PNPT1: variants seen among roughly 807,000 people sequenced by gnomAD.
PNPT1 encodes polyribonucleotide nucleotidyltransferase 1, mitochondrial.
A neutral mutation model predicts 119.5 loss-of-function variants in PNPT1; 53 were observed. The observed-to-expected ratio is 0.44, with a 90% CI of 0.36 to 0.56. The LOEUF (loss-of-function observed/expected upper bound fraction) is 0.56, where lower values mean the gene tolerates loss of function less well. Among genes scored for constraint, PNPT1 ranks in the 20% least tolerant of loss-of-function variants. The probability of loss-of-function intolerance (pLI) is 0.00; values close to 1 mark genes in which losing one functional copy is unlikely to be tolerated. For missense variants in PNPT1, 948 were observed against 938.5 expected, an observed-to-expected ratio of 1.01 and a Z score of -0.13; for synonymous variants, 357 against 322.1, an observed-to-expected ratio of 1.11 and a Z score of -1.16.
chr2:55,650,745 G>A (rs376887265), intron 18 of PNPT1, among the ~76,000 whole-genome samples: 9 of 150,226 alleles, frequency 6.0e-5, no homozygotes, highest in Middle Eastern at 3.6e-3. Context: ...GAGACCCTCC[G>A]CCCGGCAACC....
At chr2:55,649,956 G>C (rs1696118067) in intron 18 of PNPT1, among the ~76,000 whole-genome samples, 1 of 152,120 alleles carries the variant, frequency 6.6e-6, no homozygotes, top group Admixed American at 6.5e-5. Flanking sequence ...AAAAATGCTG[G>C]CTTTAAGTCC....
intron 11 of PNPT1, among the ~76,000 whole-genome samples, chr2:55,669,176 TA>T (rs935670196): frequency 2.8e-5 from 4 of 144,366 alleles, no homozygotes; most frequent in South Asian, 2.1e-4. Context: ...CCACTGAGTT[TA>T]AAAAAAAACA....
At chr2:55,663,814 TA>T (rs1398518065) in intron 13 of PNPT1, among the ~76,000 whole-genome samples, 3 of 151,106 alleles carry the variant, frequency 2.0e-5, no homozygotes, top group African/African-American at 7.3e-5. Context: ...CCGTCTCTAC[TA>T]AAAAATACAA....
At chr2:55,669,364 A>C (rs1696835351) in intron 11 of PNPT1, among the ~76,000 whole-genome samples, 1 of 152,224 alleles carries the variant, frequency 6.6e-6, no homozygotes, top group Non-Finnish European at 1.5e-5. Flanking sequence ...ATTTATGCCA[A>C]GTTTTAAGTA....
rs1169733635 is a variant in PNPT1 at position 55,667,885 on chromosome 2, ACTT to A, written c.1047_1049del (p.Arg349del). 6.3e-7 allele frequency: 1 copy of A among 1,587,912 alleles called. No individual in the cohort carries two copies. Among genetic ancestry groups the A allele is most frequent in the East Asian group, 2.3e-5 (1 of 44,038 alleles). On this transcript the variant is annotated inframe_deletion, in exon 12 of 28. Transcript: ENST00000447944. ...ACCTTTTGTATTCATTCAAAACAAT[ACTT>A]CTAAAAACTTCCTTTGCAACAACAT... is the stretch of plus-strand genomic sequence containing the variant.
At chr2:55,673,325 T>TA (rs1696971208) in intron 8 of PNPT1, among the ~76,000 whole-genome samples, 1 of 149,812 alleles carries the variant, frequency 6.7e-6, no homozygotes, top group African/African-American at 2.5e-5. Flanking sequence ...GGATTTCCCA[T>TA]AAAAAATGAA....
At chr2:55,660,495 G>A (rs1467902419) in intron 14 of PNPT1, among the ~76,000 whole-genome samples, 1 of 152,200 alleles carries the variant, frequency 6.6e-6, no homozygotes, top group African/African-American at 2.4e-5. Context: ...TGACTACTGA[G>A]AGAATCCTAA....
At chr2:55,677,526 G>A (rs1377218958) in intron 8 of PNPT1, among the ~76,000 whole-genome samples, 4 of 148,882 alleles carry the variant, frequency 2.7e-5, no homozygotes, top group Non-Finnish European at 5.9e-5. Context: ...CCTGGGAGGC[G>A]GAGGTTGCAG....
intron 26 of PNPT1, 51 bp downstream of exon 26, chr2:55,640,576 A>C (rs376140079): frequency 4.7e-5 from 66 of 1,396,882 alleles, no homozygotes; most frequent in Non-Finnish European, 6.1e-5. Context: ...ATTTCAATAC[A>C]GTGTTTCAAG....
chr2:55,656,182 G>C lies in PNPT1; in HGVS notation c.1390C>G (p.Arg464Gly). 6.2e-7 allele frequency: 1 copy of C among 1,612,974 alleles called. No individual in the cohort carries two copies. Among genetic ancestry groups the C allele is most frequent in the Non-Finnish European group, 8.5e-7 (1 of 1,179,562 alleles). The change falls in exon 17 of 28, where the codon CGA (arginine) becomes GGA (glycine). Residue 464 changes from arginine (R) to glycine (G), a missense_variant. Physicochemically the swap from Arg to Gly is moderately radical, Grantham distance 125. Transcript: ENST00000447944. ...ACTCTTATGGTGAAAGGAAAATCTC[G>C]GGGAATAACAGGATACAAAGCTTTC... ...AEKALYPVIP[R>G]DFPFTIRVTS... is the part of the protein sequence containing the mutation.
At chr2:55,645,916 C>T (rs1695986599) in intron 21 of PNPT1, among the ~76,000 whole-genome samples, 1 of 152,118 alleles carries the variant, frequency 6.6e-6, no homozygotes, top group Non-Finnish European at 1.5e-5. Context: ...TAACCTCTGC[C>T]TCCTGGGCTC....
At chr2:55,685,404 C>T (rs887751804) in intron 3 of PNPT1, among the ~76,000 whole-genome samples, 2 of 152,266 alleles carry the variant, frequency 1.3e-5, no homozygotes, top group African/African-American at 2.4e-5. Context: ...GGCCTGTGCC[C>T]ATAGTCCTAG....
intron 18 of PNPT1, among the ~76,000 whole-genome samples, chr2:55,651,868 A>G (rs973067549): frequency 3.4e-5 from 5 of 145,838 alleles, no homozygotes; most frequent in African/African-American, 1.3e-4. Flanking sequence ...AGAGAAGACA[A>G]AGATAAAAAG....
At chr2:55,654,256 C>A (rs1251148232) in intron 18 of PNPT1, among the ~76,000 whole-genome samples, 332 of 108,378 alleles carry the variant, frequency 3.1e-3, no homozygotes, top group South Asian at 4.4e-3. Context: ...GACTCTGTCT[C>A]AAAAAAAAAA....
intron 18 of PNPT1, 68 bp from the exon 19 acceptor site, chr2:55,647,521 AAT>A: frequency 1.6e-6 from 2 of 1,254,420 alleles, no homozygotes; most frequent in South Asian, 1.5e-5. Flanking sequence ...TTTATCTATC[AAT>A]TTTTTTTTTT....
Position 55,667,065 on chromosome 2 carries a change from TAAGTG to T in PNPT1, c.1097_1101del (p.Ser366Ter). The T allele has an allele frequency of 6.2e-7, 1 of 1,612,712 alleles. No homozygotes were observed. Among genetic ancestry groups the T allele is most frequent in the Non-Finnish European group, 8.5e-7 (1 of 1,179,388 alleles). On this transcript the variant is annotated frameshift_variant, in exon 13 of 28. Coordinates refer to ENST00000447944, the MANE Select transcript of PNPT1 (RefSeq NM_033109.5). LOFTEE classifies it high-confidence loss of function. ...ATATCTACCTCACAACTTACATTCC[TAAGTG>T]AAGTCAAATCCCGACCATCGCACCT...
intron 8 of PNPT1, among the ~76,000 whole-genome samples, chr2:55,675,533 T>G (rs1697038678): frequency 6.6e-6 from 1 of 152,218 alleles, no homozygotes; most frequent in Non-Finnish European, 1.5e-5. Context: ...AAAAAATACT[T>G]TCTAAGAAAA....
At chr2:55,691,875 TATA>T (rs1167783727) in intron 1 of PNPT1, among the ~76,000 whole-genome samples, 299 of 13,544 alleles carry the variant, frequency 0.022, 3 homozygotes, top group Non-Finnish European at 0.033. Flanking sequence ...TATATATATA[TATA>T]TTTTTTTTTT....
In PNPT1 at chr2:55,667,891, A is replaced by T. The variant is rs1235843021; in HGVS notation, c.1044T>A (p.Phe348Leu). 3.8e-6 allele frequency: 6 copies of T among 1,588,324 alleles called. No homozygotes were observed. The highest frequency in any genetic ancestry group is 4.3e-6 in the Non-Finnish European group (5 of 1,173,582). ...TGTATTCATTCAAAACAATACTTCT[A>T]AAAACTTCCTTTGCAACAACATTGA... ...ESFNVVAKEV[F>L]RSIVLNEYKR... Residue 348 changes from phenylalanine (F) to leucine (L), a missense_variant, in exon 12 of 28, where the codon TTT becomes TTA. Coordinates refer to ENST00000447944, the MANE Select transcript of PNPT1 (RefSeq NM_033109.5).
Sources: gnomAD v4.1 joint callset for allele counts (sites outside exome capture counted in the v4.1 genomes callset) on GRCh38, gnomAD v4.1.1 for gene constraint, MANE v1.5 for transcripts, NCBI Gene and HGNC (gene_info 2026-07-23, HGNC 2026-07-21) for gene names.